The following HDAC4 variants were observed in gnomAD, a reference collection of about 807,000 sequenced individuals.
HDAC4 encodes histone deacetylase 4.
A neutral mutation model predicts 135.1 loss-of-function variants in HDAC4; 16 were observed. The observed-to-expected ratio is 0.12, with a 90% CI of 0.08 to 0.18. The LOEUF (loss-of-function observed/expected upper bound fraction) is 0.18, where lower values mean the gene tolerates loss of function less well. Among genes scored for constraint, HDAC4 ranks in the 10% least tolerant of loss-of-function variants. The probability of loss-of-function intolerance (pLI) is 1.00; values close to 1 mark genes in which losing one functional copy is unlikely to be tolerated. For synonymous variants in HDAC4, 685 were observed against 653.4 expected, an observed-to-expected ratio of 1.05 and a Z score of -0.74; for missense variants, 1,143 against 1,511.8, an observed-to-expected ratio of 0.76 and a Z score of 4.05.
chr2:239,096,366 T>G (rs2037039751), intron 16 of HDAC4, among the ~76,000 whole-genome samples: 1 of 53,350 alleles, frequency 1.9e-5, no homozygotes, highest in African/African-American at 8.4e-5. Flanking sequence ...GACAGATGCC[T>G]GCAACCCCCC....
chr2:239,255,887 A>AATT (rs2049026799), intron 2 of HDAC4, among the ~76,000 whole-genome samples: 1 of 152,188 alleles, frequency 6.6e-6, no homozygotes, highest in Non-Finnish European at 1.5e-5. Context: ...ACAGCTACAC[A>AATT]CTTGGGCAAA....
At chr2:239,156,207 T>G (rs1401908125) in intron 7 of HDAC4, among the ~76,000 whole-genome samples, 1 of 152,210 alleles carries the variant, frequency 6.6e-6, no homozygotes, top group Non-Finnish European at 1.5e-5. Flanking sequence ...CATAAAGATT[T>G]CCCTCCCACT....
intron 2 of HDAC4, among the ~76,000 whole-genome samples, chr2:239,237,204 C>T (rs1255027635): frequency 3.9e-5 from 6 of 152,082 alleles, no homozygotes; most frequent in Non-Finnish European, 5.9e-5. Context: ...TCTTTTAAAT[C>T]CATTTTTAGA....
At chr2:239,169,459 A>G (rs1302041257) in intron 5 of HDAC4, among the ~76,000 whole-genome samples, 1 of 152,240 alleles carries the variant, frequency 6.6e-6, no homozygotes, top group Admixed American at 6.5e-5. Context: ...TACGGAAGGC[A>G]GCTTTCTAAA....
rs111628502 is a variant in HDAC4 at position 239,393,017 on chromosome 2, T to C, written c.-220+7961A>G. Among the ~76,000 whole-genome samples the C allele has an allele frequency of 2.2e-4, 34 of 152,296 alleles. 1 individual carries two copies. The highest frequency in any genetic ancestry group is 7.0e-4 in the African/African-American group (29 of 41,570). On this transcript the variant is annotated intron_variant, in intron 1 of 26. Transcript: ENST00000543185. ...TCCTGACAGCTACTCTACAGAATCC[T>C]GGACCTAGGCACAGAGGAAGCTCTC...
At chr2:239,249,946 C>A (rs906973082) in intron 2 of HDAC4, among the ~76,000 whole-genome samples, 1 of 152,194 alleles carries the variant, frequency 6.6e-6, no homozygotes, top group Admixed American at 6.5e-5. Context: ...GACAGCTGTG[C>A]TCCTTCCTGC....
chr2:239,221,609 GACACACACACACACACACACAC>G (rs3838519), intron 3 of HDAC4, among the ~76,000 whole-genome samples: 2 of 148,990 alleles, frequency 1.3e-5, no homozygotes, highest in Non-Finnish European at 3.0e-5. Flanking sequence ...CTGAGAGTGG[GACACACACACACACACACACAC>G]ACACACACAC....
rs546478384 is a variant in HDAC4 at position 239,180,155 on chromosome 2, C to T, written c.340-3592G>A. On this transcript the variant is annotated intron_variant, in intron 4 of 26. Transcript: ENST00000543185. ...GCTTCACACCCTTGCTGCCCCTGCA[C>T]AGCCAGCTTCCAGGTGGCCACCACA... Among the ~76,000 whole-genome samples, 3 of 152,320 alleles carry T rather than the reference C, an allele frequency of 2.0e-5. No individual in the cohort carries two copies. The East Asian group carries it at 5.8e-4, about 29-fold the overall frequency.
At chr2:239,081,509 T>G (rs918546715) in intron 21 of HDAC4, among the ~76,000 whole-genome samples, 4 of 152,234 alleles carry the variant, frequency 2.6e-5, no homozygotes, top group Admixed American at 2.6e-4. Flanking sequence ...GTGTGTTACA[T>G]CAGGGAATCA....
chr2:239,239,116 G>A (rs2048043943), intron 2 of HDAC4, among the ~76,000 whole-genome samples: 2 of 152,126 alleles, frequency 1.3e-5, no homozygotes, highest in Non-Finnish European at 2.9e-5. Context: ...GTTCCACTCT[G>A]ACAATAACTG....
chr2:239,058,509 G>A (rs1485623060), intron 24 of HDAC4, among the ~76,000 whole-genome samples: 2 of 152,204 alleles, frequency 1.3e-5, no homozygotes, highest in East Asian at 3.9e-4. Context: ...TGAAACTTCA[G>A]GGGAAGGCTA....
At chr2:239,250,943 T>C (rs2048751533) in intron 2 of HDAC4, among the ~76,000 whole-genome samples, 1 of 152,146 alleles carries the variant, frequency 6.6e-6, no homozygotes, top group South Asian at 2.1e-4. Flanking sequence ...TGTGTTCACG[T>C]GCCCCCGCCA....
chr2:239,217,151 G>A (rs2046686096), intron 3 of HDAC4, among the ~76,000 whole-genome samples: 1 of 152,150 alleles, frequency 6.6e-6, no homozygotes, highest in African/African-American at 2.4e-5. Flanking sequence ...GGCTCCAAAG[G>A]GGACCCGCTG....
chr2:239,132,280 G>C (rs1196517561), intron 11 of HDAC4, among the ~76,000 whole-genome samples: 1 of 152,226 alleles, frequency 6.6e-6, no homozygotes, highest in Non-Finnish European at 1.5e-5. Flanking sequence ...GGCTTCCCAG[G>C]GTCATGGAGC....
chr2:239,118,144 T>C (rs547023480), intron 12 of HDAC4, among the ~76,000 whole-genome samples: 79 of 152,254 alleles, frequency 5.2e-4, no homozygotes, highest in Non-Finnish European at 1.0e-3. Context: ...TCCAGAGCCC[T>C]GCTGTGCCTC....
At chr2:239,132,846 C>T (rs1019559276) in intron 11 of HDAC4, among the ~76,000 whole-genome samples, 2 of 152,190 alleles carry the variant, frequency 1.3e-5, no homozygotes, top group Admixed American at 6.5e-5. Context: ...GCACATTTTA[C>T]GTTTTTAAAG....
At chr2:239,059,769 G>A (rs922001595) in intron 24 of HDAC4, among the ~76,000 whole-genome samples, 2 of 152,114 alleles carry the variant, frequency 1.3e-5, no homozygotes, top group African/African-American at 2.4e-5. Context: ...ACACTCCTAG[G>A]GAGCCAGCTA....
intron 1 of HDAC4, among the ~76,000 whole-genome samples, chr2:239,377,646 GC>G (rs1695111129): frequency 6.6e-6 from 1 of 152,224 alleles, no homozygotes; most frequent in Non-Finnish European, 1.5e-5. Flanking sequence ...AGGCCCCAGG[GC>G]CACAGTCTCA....
At chr2:239,357,308 C>T (rs60216040) in intron 1 of HDAC4, among the ~76,000 whole-genome samples, 21,324 of 151,686 alleles carry the variant, frequency 0.14, 3,665 homozygotes, top group East Asian at 0.78. Flanking sequence ...CATTTTGAAA[C>T]GAATGAAAAT....
Sources: allele counts gnomAD v4.1 joint callset (sites outside exome capture counted in the v4.1 genomes callset), GRCh38; gene constraint gnomAD v4.1.1; transcripts MANE v1.5; gene names NCBI Gene and HGNC (gene_info 2026-07-23, HGNC 2026-07-21).